Variants in LRRC20 observed in about 807,000 individuals in gnomAD.
LRRC20 encodes leucine-rich repeat-containing protein 20.
Under a neutral mutation model 14.4 loss-of-function variants are expected in LRRC20, and 11 were observed. The ratio of observed to expected loss-of-function variants is 0.77; its 90% CI spans 0.48 to 1.27. The LOEUF (loss-of-function observed/expected upper bound fraction) is 1.27. Ranked by LOEUF, LRRC20 falls within the 50% of genes most tolerant of loss-of-function variation. The pLI, the probability that LRRC20 is intolerant of heterozygous loss-of-function variation, is 0.00. For synonymous variants in LRRC20, 121 were observed against 107.3 expected (o/e 1.13, Z -0.79); for missense variants, 219 against 251.2 (o/e 0.87, Z 0.87).
intron 1 of LRRC20, among the ~76,000 whole-genome samples, chr10:70,382,265 C>A (rs1303679327): frequency 1.3e-5 from 2 of 152,230 alleles, no homozygotes; most frequent in Non-Finnish European, 2.9e-5. Context: ...GCTCCCTATT[C>A]CCTGGCACCT....
At chr10:70,382,292 G>C (rs1386387109) in intron 1 of LRRC20, among the ~76,000 whole-genome samples, 2 of 152,216 alleles carry the variant, frequency 1.3e-5, no homozygotes, top group South Asian at 4.1e-4. Flanking sequence ...CCACTCCCCT[G>C]AACCATCGGG....
chr10:70,372,750 G>T (rs1395033440), intron 2 of LRRC20, among the ~76,000 whole-genome samples: 1 of 151,960 alleles, frequency 6.6e-6, no homozygotes, highest in Non-Finnish European at 1.5e-5. Flanking sequence ...CCGAGAATGT[G>T]CCAGTCTTTA....
intron 4 of LRRC20, among the ~76,000 whole-genome samples, chr10:70,307,158 G>A (rs1396096147): frequency 6.6e-6 from 1 of 152,228 alleles, no homozygotes; most frequent in Non-Finnish European, 1.5e-5. Context: ...AATAGTAAGT[G>A]TGACTGACTA....
At chr10:70,337,634 G>A (rs1373400204) in intron 3 of LRRC20, among the ~76,000 whole-genome samples, 3 of 152,198 alleles carry the variant, frequency 2.0e-5, no homozygotes, top group African/African-American at 4.8e-5. Flanking sequence ...CTCCCCAGAT[G>A]TCAAGCAGTT....
intron 2 of LRRC20, among the ~76,000 whole-genome samples, chr10:70,369,845 C>T (rs1335819877): frequency 6.9e-6 from 1 of 144,038 alleles, no homozygotes; most frequent in Non-Finnish European, 1.5e-5. Flanking sequence ...TTTGGGAGAC[C>T]GAAACAGGTG....
At chr10:70,334,011 G>A (rs538316018) in intron 3 of LRRC20, among the ~76,000 whole-genome samples, 5 of 152,126 alleles carry the variant, frequency 3.3e-5, no homozygotes, top group Admixed American at 6.5e-5. Context: ...TTAGCCAGGC[G>A]TGGTGGCAAG....
chr10:70,352,908 T>G (rs1843367378), intron 2 of LRRC20, among the ~76,000 whole-genome samples: 1 of 152,126 alleles, frequency 6.6e-6, no homozygotes, highest in Non-Finnish European at 1.5e-5. Flanking sequence ...AACCCCCTAT[T>G]TTCCCATCCC....
At position 70,376,503 on chromosome 10, in the gene LRRC20, T is replaced by A. The variant is rs201473712; in HGVS notation, c.31A>T (p.Arg11Ter). The change falls in exon 2 of 5, where the codon AGA (arginine) becomes TGA (stop). Residue 11 changes from arginine (R) to a stop codon, truncating the protein, a stop_gained. Coordinates refer to ENST00000446961, the MANE Select transcript of LRRC20 (RefSeq NM_001278212.2). LOFTEE classifies it high-confidence loss of function. Reference protein sequence around the residue: MLKKMGEAVARVARKVNETVE... With the variant: MLKKMGEAVA The stretch of plus-strand genomic sequence containing the variant: ...GTCTCGTTGACCTTCCTTGCTACTC[T>A]GGCCACGGCCTCACCCATCTTCTTC... The A allele has an allele frequency of 7.4e-6, 12 of 1,613,902 alleles. No homozygotes were observed. The highest frequency in any genetic ancestry group is 8.5e-7 in the Non-Finnish European group (1 of 1,180,034).
intron 3 of LRRC20, among the ~76,000 whole-genome samples, chr10:70,327,776 T>C (rs991100989): frequency 1.3e-5 from 2 of 152,042 alleles, no homozygotes; most frequent in African/African-American, 4.8e-5. Flanking sequence ...CCCCAAGGTA[T>C]GTGACGTTCC....
chr10:70,371,226 T>C (rs893216169), intron 2 of LRRC20, among the ~76,000 whole-genome samples: 3 of 151,736 alleles, frequency 2.0e-5, no homozygotes, highest in African/African-American at 7.3e-5. Context: ...AGCCTCAACC[T>C]CCAGGACTCA....
At chr10:70,327,436 AG>A (rs946043499) in intron 3 of LRRC20, among the ~76,000 whole-genome samples, 1 of 152,026 alleles carries the variant, frequency 6.6e-6, no homozygotes, top group African/African-American at 2.4e-5. Context: ...TGAGTCAGGC[AG>A]GGTGGCACGT....
intron 4 of LRRC20, among the ~76,000 whole-genome samples, chr10:70,314,427 TC>T (rs1406299388): frequency 2.0e-5 from 3 of 152,210 alleles, no homozygotes; most frequent in African/African-American, 7.2e-5. Flanking sequence ...GAGAATTCTC[TC>T]CCATCCTCTG....
chr10:70,367,999 T>TTATGTTATGTTATGTTATG (rs1844094441), intron 2 of LRRC20, among the ~76,000 whole-genome samples: 36 of 146,022 alleles, frequency 2.5e-4, no homozygotes, highest in East Asian at 4.0e-4. Context: ...TATGTTATTT[T>TTATGTTATGTTATGTTATG]TTGAGATGGA....
intron 4 of LRRC20, among the ~76,000 whole-genome samples, chr10:70,320,290 T>C (rs1313360708): frequency 7.5e-6 from 1 of 132,698 alleles, no homozygotes; most frequent in Non-Finnish European, 1.6e-5. Context: ...TTTCATCATG[T>C]CCCAGGAGAT....
At chr10:70,345,431 T>C (rs903989614) in intron 2 of LRRC20, among the ~76,000 whole-genome samples, 2 of 151,736 alleles carry the variant, frequency 1.3e-5, no homozygotes, top group African/African-American at 4.8e-5. Context: ...TCTAGGAGCA[T>C]AACAGAATCA....
chr10:70,349,491 T>C (rs1208717433), intron 2 of LRRC20, among the ~76,000 whole-genome samples: 3 of 152,276 alleles, frequency 2.0e-5, no homozygotes, highest in East Asian at 1.9e-4. Flanking sequence ...GGCAGGAGAA[T>C]TGCTTGAACC....
At chr10:70,304,471 TA>T (rs1841332719) in intron 4 of LRRC20, among the ~76,000 whole-genome samples, 186 of 3,584 alleles carry the variant, frequency 0.052, 1 homozygote, top group African/African-American at 0.22. Flanking sequence ...GCCACTTCTT[TA>T]TATATATATA....
At chr10:70,314,057 A>G (rs1372600402) in intron 4 of LRRC20, among the ~76,000 whole-genome samples, 1 of 152,204 alleles carries the variant, frequency 6.6e-6, no homozygotes, top group Non-Finnish European at 1.5e-5. Flanking sequence ...AACCCTTTAT[A>G]AAACCATCAG....
intron 4 of LRRC20, among the ~76,000 whole-genome samples, chr10:70,304,795 C>T (rs1841355928): frequency 6.6e-6 from 1 of 152,058 alleles, no homozygotes; most frequent in African/African-American, 2.4e-5. Flanking sequence ...TAGTATTTGC[C>T]TTTTTGTGAC....
Sources: allele counts gnomAD v4.1 joint callset (sites outside exome capture counted in the v4.1 genomes callset), GRCh38; gene constraint gnomAD v4.1.1; transcripts MANE v1.5; gene names NCBI Gene and HGNC (gene_info 2026-07-23, HGNC 2026-07-21).